Variants in VSTM4 observed in about 807,000 individuals in gnomAD.
The protein encoded by VSTM4 is V-set and transmembrane domain containing 4, also known as V-set and transmembrane domain-containing protein 4.
A neutral mutation model predicts 36.4 loss-of-function variants in VSTM4; 20 were observed. The ratio of observed to expected loss-of-function variants is 0.55; its 90% confidence interval spans 0.39 to 0.80. VSTM4 has a LOEUF of 0.80. Among genes scored for constraint, VSTM4 ranks in the 30% least tolerant of loss-of-function variants. VSTM4 has a pLI of 0.00. For missense variants in VSTM4, 392 were observed against 404.5 expected (o/e 0.97, Z 0.26); for synonymous variants, 182 against 173.9 (o/e 1.05, Z -0.37).
chr10:49,044,413 G>GAGAA (rs563543881), intron 7 of VSTM4, among the ~76,000 whole-genome samples: 1 of 122,862 alleles, frequency 8.1e-6, no homozygotes, highest in Admixed American at 8.6e-5. Context: ...AAAAGAAAGA[G>GAGAA]AGAAAGAAAG....
At chr10:49,113,459 A>C (rs576271186) in intron 1 of VSTM4, among the ~76,000 whole-genome samples, 3 of 152,138 alleles carry the variant, frequency 2.0e-5, no homozygotes, top group Admixed American at 1.3e-4. Flanking sequence ...TATTTTCTCA[A>C]TTTATCCTGA....
rs932900169 is a variant in VSTM4, at chr10:49,017,732, C to A, written c.*1918G>T. ...TGCCCCCTCTCCTTCCCATTTGGCA[C>A]CCCCAGAGCCCCACAAACCCATAAG... On this transcript the variant is annotated 3_prime_UTR_variant, in exon 8 of 8. Coordinates refer to ENST00000332853, the MANE Select transcript of VSTM4 (RefSeq NM_001031746.5). 1 of 152,210 alleles carries A rather than the reference C, an allele frequency of 6.6e-6. No individual in the cohort carries two copies. The highest frequency in any genetic ancestry group is 2.4e-5 in the African/African-American group (1 of 41,424). The allele number at this position is 152,210 out of a possible 1,614,324, so 9.4% of individuals were successfully genotyped here.
chr10:49,095,808 C>T (rs931069202), intron 2 of VSTM4, among the ~76,000 whole-genome samples: 3 of 152,320 alleles, frequency 2.0e-5, no homozygotes, highest in South Asian at 2.1e-4. Context: ...TACACCATGG[C>T]TTCTCCCCTA....
intron 2 of VSTM4, among the ~76,000 whole-genome samples, chr10:49,097,725 T>C (rs1170337295): frequency 1.3e-5 from 2 of 152,208 alleles, no homozygotes; most frequent in Non-Finnish European, 2.9e-5. Flanking sequence ...TAACTAGCTA[T>C]ATATTATTTT....
intron 1 of VSTM4, among the ~76,000 whole-genome samples, chr10:49,109,452 A>G (rs1188109230): frequency 6.9e-6 from 1 of 144,208 alleles, no homozygotes; most frequent in African/African-American, 2.7e-5. Flanking sequence ...TATTGATTTA[A>G]TAACTGAACA....
intron 4 of VSTM4, among the ~76,000 whole-genome samples, chr10:49,067,156 C>T (rs942085234): frequency 3.9e-5 from 6 of 152,126 alleles, no homozygotes; most frequent in South Asian, 2.1e-4. Context: ...TTACATCTTT[C>T]GCAACAATTT....
chr10:49,058,997 G>A (rs963384875), intron 5 of VSTM4, among the ~76,000 whole-genome samples: 1 of 152,224 alleles, frequency 6.6e-6, no homozygotes, highest in Non-Finnish European at 1.5e-5. Flanking sequence ...GGGAGCTACT[G>A]GCACAACAGG....
At chr10:49,115,303 G>A (rs141087200) in intron 1 of VSTM4, 128 bp downstream of exon 1, 24,439 of 594,238 alleles carry the variant, frequency 0.041, 689 homozygotes, top group Non-Finnish European at 0.043. Context: ...TGGCGACAGT[G>A]ACAGCGCCGC....
At chr10:49,070,018 C>T (rs1301724109) in intron 4 of VSTM4, among the ~76,000 whole-genome samples, 1 of 61,868 alleles carries the variant, frequency 1.6e-5, no homozygotes, top group Non-Finnish European at 3.0e-5. Flanking sequence ...TTTGGGAGGC[C>T]GAGGCGGGCG....
chr10:49,111,264 G>C (rs1005114473), intron 1 of VSTM4, among the ~76,000 whole-genome samples: 4 of 152,208 alleles, frequency 2.6e-5, no homozygotes, highest in East Asian at 3.9e-4. Flanking sequence ...GAGAGAGGTA[G>C]TCCGTTATCT....
chr10:49,090,861 C>T (rs1844461183), intron 2 of VSTM4, among the ~76,000 whole-genome samples: 2 of 152,170 alleles, frequency 1.3e-5, no homozygotes, highest in African/African-American at 2.4e-5. Flanking sequence ...CTGCCTCTCA[C>T]GGAGCCCCAC....
chr10:49,094,202 C>A (rs938830098), intron 2 of VSTM4, among the ~76,000 whole-genome samples: 1 of 152,152 alleles, frequency 6.6e-6, no homozygotes, highest in Admixed American at 6.5e-5. Context: ...TCCCCTGGAG[C>A]CTCAGAAGCA....
rs558254233 is a variant in VSTM4, at chr10:49,070,028, G to A, written c.635-5292C>T. Among the ~76,000 whole-genome samples, 7 of 62,010 alleles carry A rather than the reference G, an allele frequency of 1.1e-4. 1 individual carries two copies. Among genetic ancestry groups the A allele is most frequent in the South Asian group, 8.3e-4 (2 of 2,422 alleles). The allele number at this position is 62,010 out of a possible 152,430, so 40.7% of individuals were successfully genotyped here. A position where few individuals can be genotyped will look rare whatever the true frequency, so the allele number is the denominator to read the frequency against. ...AGCACTTTGGGAGGCCGAGGCGGGC[G>A]GATCACGAGGTCAGGAGATCGAGAC... On this transcript the variant is annotated intron_variant, in intron 4 of 7. Transcript: ENST00000332853.
At chr10:49,098,959 C>G (rs1844620294) in intron 2 of VSTM4, among the ~76,000 whole-genome samples, 1 of 152,230 alleles carries the variant, frequency 6.6e-6, no homozygotes. Flanking sequence ...ATACTATTTT[C>G]TGGTGCTATT....
At chr10:49,078,408 G>A (rs1844217729) in intron 3 of VSTM4, among the ~76,000 whole-genome samples, 1 of 152,028 alleles carries the variant, frequency 6.6e-6, no homozygotes, top group African/African-American at 2.4e-5. Context: ...CCTTCAGCAA[G>A]TGAATAGTTA....
chr10:49,067,012 A>G (rs913649451), intron 4 of VSTM4, among the ~76,000 whole-genome samples: 1 of 152,186 alleles, frequency 6.6e-6, no homozygotes, highest in Non-Finnish European at 1.5e-5. Context: ...CTAACAGTTA[A>G]AACTTGTTTG....
intron 7 of VSTM4, among the ~76,000 whole-genome samples, chr10:49,038,754 C>T (rs1590076997): frequency 6.6e-6 from 1 of 152,062 alleles, no homozygotes; most frequent in African/African-American, 2.4e-5. Flanking sequence ...AGGGGAGTGT[C>T]TGGTCAACAG....
chr10:49,096,847 G>T (rs1285279029), intron 2 of VSTM4, among the ~76,000 whole-genome samples: 1 of 152,016 alleles, frequency 6.6e-6, no homozygotes, highest in African/African-American at 2.4e-5. Flanking sequence ...TAGACACGGG[G>T]TTTCACCATG....
intron 2 of VSTM4, among the ~76,000 whole-genome samples, chr10:49,088,210 A>T (rs1294133042): frequency 6.6e-6 from 1 of 152,178 alleles, no homozygotes; most frequent in East Asian, 1.9e-4. Context: ...TTTAAAAAGT[A>T]GTGGCTATAT....
Sources: gnomAD v4.1 joint callset for allele counts (sites outside exome capture counted in the v4.1 genomes callset) on GRCh38, gnomAD v4.1.1 for gene constraint, MANE v1.5 for transcripts, NCBI Gene and HGNC (gene_info 2026-07-23, HGNC 2026-07-21) for gene names.